NR3C2: variants seen among roughly 807,000 people sequenced by gnomAD.
NR3C2 encodes mineralocorticoid receptor.
In NR3C2, 15 loss-of-function variants were observed where a neutral mutation model predicts 86.4. That is an observed-to-expected ratio of 0.17 (90% CI 0.12 to 0.27). The LOEUF (loss-of-function observed/expected upper bound fraction) is 0.27, where lower values mean the gene tolerates loss of function less well. NR3C2 is among the 10% of genes least tolerant of loss of function. The probability of loss-of-function intolerance (pLI) is 1.00; values close to 1 mark genes in which losing one functional copy is unlikely to be tolerated. For missense variants in NR3C2, 960 were observed against 1,195.6 expected (o/e 0.80, Z 2.91); for synonymous variants, 458 against 450.5 (o/e 1.02, Z -0.21).
intron 2 of NR3C2, among the ~76,000 whole-genome samples, chr4:148,338,375 T>C (rs1045376361): frequency 2.6e-5 from 4 of 152,168 alleles, no homozygotes; most frequent in Non-Finnish European, 4.4e-5. Flanking sequence ...CTAAATGTTA[T>C]GGGATTTTTA....
At chr4:148,403,298 A>G (rs943659754) in intron 2 of NR3C2, among the ~76,000 whole-genome samples, 2 of 152,056 alleles carry the variant, frequency 1.3e-5, no homozygotes, top group Non-Finnish European at 2.9e-5. Flanking sequence ...AGTTCTCTCT[A>G]TTCCACTAGC....
chr4:148,156,238 C>G (rs1156255581), intron 4 of NR3C2, among the ~76,000 whole-genome samples: 1 of 152,140 alleles, frequency 6.6e-6, no homozygotes, highest in African/African-American at 2.4e-5. Flanking sequence ...AAAGCAATGG[C>G]CACAAAAGCC....
chr4:148,358,298 A>AT (rs1462216072), intron 2 of NR3C2, among the ~76,000 whole-genome samples: 3 of 152,204 alleles, frequency 2.0e-5, no homozygotes, highest in Non-Finnish European at 4.4e-5. Flanking sequence ...GCCATAAAAA[A>AT]TGATGAGTTC....
chr4:148,281,746 CA>C (rs1357748224), intron 2 of NR3C2, among the ~76,000 whole-genome samples: 3 of 152,196 alleles, frequency 2.0e-5, no homozygotes, highest in Admixed American at 6.5e-5. Flanking sequence ...TATGTTATGT[CA>C]ACAAGTATCC....
rs150435005 is a variant in NR3C2, at chr4:148,360,461, C to T, written c.1757+74643G>A. Among the ~76,000 whole-genome samples the T allele has an allele frequency of 3.0e-4, 46 of 152,230 alleles. 1 individual carries two copies. The East Asian group carries it at 8.5e-3, about 28-fold the overall frequency. ...CTCTATGCTCTGTGTATTAAAGGCTCTTACGGTAAAGCTAAAGTGCTTATA... is the reference window on the plus strand; with the variant it reads ...CTCTATGCTCTGTGTATTAAAGGCTTTTACGGTAAAGCTAAAGTGCTTATA... On this transcript the variant is annotated intron_variant, in intron 2 of 8. Coordinates refer to ENST00000358102, the MANE Select transcript of NR3C2 (RefSeq NM_000901.5).
chr4:148,154,425 T>C (rs1274439761), intron 5 of NR3C2, 126 bp downstream of exon 5: 2 of 881,578 alleles, frequency 2.3e-6, no homozygotes, highest in Non-Finnish European at 3.9e-6. Flanking sequence ...TTGTTATCAA[T>C]TTAAAAAATC....
intron 2 of NR3C2, among the ~76,000 whole-genome samples, chr4:148,420,394 C>T (rs376892849): frequency 6.6e-6 from 1 of 152,098 alleles, no homozygotes; most frequent in Non-Finnish European, 1.5e-5. Context: ...TGTTTGCAAA[C>T]CAAGAGTACT....
rs535338611 is a variant in NR3C2 at position 148,081,428 on chromosome 4, G to A, written c.2871C>T (p.Pro957=). ...CGCTGATGATCTCCACCAGCATTGC[G>A]GGGAACTCTACCTTCAGCGCATGGG... The part of the protein sequence containing the change: ...RESHALKVEF[P]AMLVEIISDQ... Residue 957 remains proline (P), a synonymous_variant, in exon 9 of 9, where the codon CCC becomes CCT. Coordinates refer to ENST00000358102, the MANE Select transcript of NR3C2 (RefSeq NM_000901.5). 165 of 1,613,982 alleles carry A rather than the reference G, an allele frequency of 1.0e-4. No individual in the cohort carries two copies. In the Middle Eastern group the frequency reaches 3.3e-3, roughly 32 times the overall value.
At chr4:148,404,176 T>C (rs1202858637) in intron 2 of NR3C2, among the ~76,000 whole-genome samples, 2 of 152,212 alleles carry the variant, frequency 1.3e-5, no homozygotes, top group African/African-American at 2.4e-5. Context: ...TTTCATTTCA[T>C]AGATCAGGCT....
At chr4:148,243,476 T>G (rs1739163334) in intron 3 of NR3C2, among the ~76,000 whole-genome samples, 1 of 152,218 alleles carries the variant, frequency 6.6e-6, no homozygotes, top group Non-Finnish European at 1.5e-5. Flanking sequence ...TTAAAAGGCT[T>G]TCCAATATCC....
rs188743523 is a variant in NR3C2, at chr4:148,419,339, C to T, written c.1757+15765G>A. On this transcript the variant is annotated intron_variant, in intron 2 of 8. Transcript: ENST00000358102. The stretch of plus-strand genomic sequence containing the variant: ...GCTCATGGGTTCATGAAATGGTTGG[C>T]GAAGGAAGGGCCCACGAATCTTCTG... 2.6e-3 allele frequency among the ~76,000 whole-genome samples: 395 copies of T among 152,134 alleles called. 2 individuals carry two copies. Among genetic ancestry groups the T allele is most frequent in the East Asian group, 1.2e-3 (6 of 5,176 alleles).
chr4:148,428,149 T>C (rs1319335937), intron 2 of NR3C2, among the ~76,000 whole-genome samples: 2 of 152,146 alleles, frequency 1.3e-5, no homozygotes, highest in Non-Finnish European at 2.9e-5. Flanking sequence ...CCTGACAGGA[T>C]GCAATGAGAA....
chr4:148,111,608 T>C (rs937851259), intron 8 of NR3C2, among the ~76,000 whole-genome samples: 16 of 152,120 alleles, frequency 1.1e-4, no homozygotes, highest in Admixed American at 7.9e-4. Flanking sequence ...CACAAATTAA[T>C]TGGGGGAAAA....
At chr4:148,439,562 T>C (rs1750233599) in intron 1 of NR3C2, among the ~76,000 whole-genome samples, 1 of 151,996 alleles carries the variant, frequency 6.6e-6, no homozygotes, top group Admixed American at 6.5e-5. Context: ...CTGTCCCGTG[T>C]CTGAAGGGGA....
At chr4:148,109,986 G>A (rs1464574456) in intron 8 of NR3C2, among the ~76,000 whole-genome samples, 1 of 151,734 alleles carries the variant, frequency 6.6e-6, no homozygotes, top group Non-Finnish European at 1.5e-5. Flanking sequence ...TCCCTCATAG[G>A]AAATTGCTAT....
At position 148,163,440 on chromosome 4, in the gene NR3C2, T is replaced by C. The variant is rs185331773; in HGVS notation, c.2015-8539A>G. ...CAGGAATAAATCCCTTATATTTATATGTGTGGTAAAAGATAATTTCAGAAA... is the reference window on the plus strand; with the variant it reads ...CAGGAATAAATCCCTTATATTTATACGTGTGGTAAAAGATAATTTCAGAAA... On this transcript the variant is annotated intron_variant, in intron 4 of 8. Transcript: ENST00000358102. Among the ~76,000 whole-genome samples, 6 of 152,322 alleles carry C rather than the reference T, an allele frequency of 3.9e-5. No individual in the cohort carries two copies. In the East Asian group the frequency reaches 7.7e-4, roughly 20 times the overall value.
chr4:148,244,854 A>G (rs992396350), intron 3 of NR3C2, among the ~76,000 whole-genome samples: 6 of 152,206 alleles, frequency 3.9e-5, no homozygotes, highest in Admixed American at 2.6e-4. Flanking sequence ...CCCATACCTA[A>G]TATCATGCAG....
intron 3 of NR3C2, among the ~76,000 whole-genome samples, chr4:148,207,111 C>T (rs1461614050): frequency 2.6e-5 from 4 of 151,964 alleles, no homozygotes; most frequent in Non-Finnish European, 4.4e-5. Flanking sequence ...TTAGTAGAGA[C>T]GTGATCTTGC....
chr4:148,332,453 T>C (rs1180136550), intron 2 of NR3C2, among the ~76,000 whole-genome samples: 1 of 152,222 alleles, frequency 6.6e-6, no homozygotes, highest in Non-Finnish European at 1.5e-5. Flanking sequence ...ACAATATCTC[T>C]ATGAATATAC....
Sources: allele counts gnomAD v4.1 joint callset (sites outside exome capture counted in the v4.1 genomes callset), GRCh38; gene constraint gnomAD v4.1.1; transcripts MANE v1.5; gene names NCBI Gene and HGNC (gene_info 2026-07-23, HGNC 2026-07-21).